The following CELSR1 variants were observed in gnomAD, a reference collection of about 807,000 sequenced individuals.
CELSR1 encodes the protein adhesion G protein-coupled receptor C1.
In CELSR1, 110 loss-of-function variants were observed where a neutral mutation model predicts 249.1. The ratio of observed to expected loss-of-function variants is 0.44; its 90% CI spans 0.38 to 0.52. The LOEUF is 0.52. CELSR1 is among the 20% of genes least tolerant of loss of function. The probability of loss-of-function intolerance (pLI) is 0.00; values close to 1 mark genes in which losing one functional copy is unlikely to be tolerated. For synonymous variants in CELSR1, 2,113 were observed against 1,900.0 expected, an observed-to-expected ratio of 1.11 and a Z score of -2.92; for missense variants, 4,109 against 4,296.4, an observed-to-expected ratio of 0.96 and a Z score of 1.22.
chr22:46,532,265 A>T (rs2080799410), intron 1 of CELSR1, among the ~76,000 whole-genome samples: 1 of 152,270 alleles, frequency 6.6e-6, no homozygotes, highest in South Asian at 2.1e-4. Context: ...GTGGTATAGA[A>T]GAAAAACTTC....
chr22:46,378,924 C>T (rs961213228), intron 22 of CELSR1, among the ~76,000 whole-genome samples: 2 of 152,170 alleles, frequency 1.3e-5, no homozygotes, highest in Non-Finnish European at 2.9e-5. Context: ...AGACAAGAGC[C>T]ACCTGGCTGT....
intron 5 of CELSR1, among the ~76,000 whole-genome samples, chr22:46,420,242 A>G (rs1030467981): frequency 6.6e-6 from 1 of 150,786 alleles, no homozygotes; most frequent in South Asian, 2.1e-4. Flanking sequence ...ACATATGCTC[A>G]CCCACACTCA....
chr22:46,447,752 TG>T lies in CELSR1; in HGVS notation c.4184-8342del, dbSNP rs1023363697. 4.6e-5 allele frequency among the ~76,000 whole-genome samples: 7 copies of T among 152,164 alleles called. No individual in the cohort carries two copies. Among genetic ancestry groups the T allele is most frequent in the African/African-American group, 1.7e-4 (7 of 41,444 alleles). On this transcript the variant is annotated intron_variant, in intron 2 of 34. Coordinates refer to ENST00000674500, the MANE Select transcript of CELSR1 (RefSeq NM_001378328.1). This position sits in a 1 kb window ranked among gnomAD's most constrained non-coding sequence, Gnocchi z 4.7. ...CTCCTGCCTCAGCCTCCCGAGTTGC[TG>T]GGATTACAGGTGCACACCACCACAC...
At chr22:46,461,441 G>A (rs1479256753) in intron 2 of CELSR1, among the ~76,000 whole-genome samples, 1 of 152,168 alleles carries the variant, frequency 6.6e-6, no homozygotes, top group Admixed American at 6.5e-5. Context: ...CTGGCCCAGG[G>A]GTCCCCAGGG....
intron 1 of CELSR1, among the ~76,000 whole-genome samples, chr22:46,493,744 T>C (rs1017502871): frequency 6.6e-6 from 1 of 152,004 alleles, no homozygotes; most frequent in Non-Finnish European, 1.5e-5. Context: ...AGATCTGACG[T>C]TTTTATAGAG....
intron 1 of CELSR1, among the ~76,000 whole-genome samples, chr22:46,467,646 C>T (rs904438890): frequency 2.0e-5 from 3 of 151,954 alleles, no homozygotes; most frequent in African/African-American, 7.2e-5. Flanking sequence ...CATGGTGAAA[C>T]CCCGTCTCTA....
chr22:46,364,352 C>T (rs1175230846), intron 33 of CELSR1, 101 bp from the exon 34 acceptor site: 4 of 1,536,458 alleles, frequency 2.6e-6, no homozygotes, highest in Non-Finnish European at 3.5e-6. Flanking sequence ...TGTCCTTCCT[C>T]CTGGTTCCCC....
Position 46,517,340 on chromosome 22 carries a change from C to T in CELSR1, c.3544+16287G>A, listed in dbSNP as rs953428870. On this transcript the variant is annotated intron_variant, in intron 1 of 34. Coordinates refer to ENST00000674500, the MANE Select transcript of CELSR1 (RefSeq NM_001378328.1). The surrounding 1 kb of genome is among the most constrained non-coding windows in gnomAD (Gnocchi z 5.4). Reference sequence around the variant, plus strand: ...ATGCAATGGGTTTCCCGGGCCAAACCGGAGACTTGGACGGCCGTCCAACAC... The same window carrying T: ...ATGCAATGGGTTTCCCGGGCCAAACTGGAGACTTGGACGGCCGTCCAACAC... 2.0e-5 allele frequency among the ~76,000 whole-genome samples: 3 copies of T among 152,324 alleles called. No homozygotes were observed. Among genetic ancestry groups the T allele is most frequent in the East Asian group, 1.9e-4 (1 of 5,178 alleles).
intron 1 of CELSR1, among the ~76,000 whole-genome samples, chr22:46,504,496 T>C (rs2080494828): frequency 9.0e-6 from 1 of 111,214 alleles, no homozygotes; most frequent in South Asian, 3.5e-4. Flanking sequence ...CCTGGCGACA[T>C]CTGTCTCCAA....
Position 46,464,198 on chromosome 22 carries a change from AC to A in CELSR1, c.3691del (p.Val1231TrpfsTer28). The A allele has an allele frequency of 6.2e-7, 1 of 1,613,362 alleles. No homozygotes were observed. Among genetic ancestry groups the A allele is most frequent in the Non-Finnish European group, 8.5e-7 (1 of 1,179,994 alleles). On this transcript the variant is annotated frameshift_variant, in exon 2 of 35. Transcript: ENST00000674500. LOFTEE classifies it high-confidence loss of function. The surrounding 1 kb of genome is among the most constrained non-coding windows in gnomAD (Gnocchi z 8.5). ...CTTGGTGGTGGACAGCACGGCGGCC[AC>A]CCCCTCCACGAAGAGGGCCAGCAGC... ...SPLLALFVEG[V>X]AAVLSTTKDD...
At position 46,381,947 on chromosome 22, in the gene CELSR1, G is replaced by A. The variant is rs754293304; in HGVS notation, c.6987C>T (p.His2329=). ...CGGCGAACTGGCCAGCGTCATCAGGGTGTCGCCTCCGCCTGCTGATCGGGG... is the reference window on the plus strand; with the variant it reads ...CGGCGAACTGGCCAGCGTCATCAGGATGTCGCCTCCGCCTGCTGATCGGGG... ...REAPISRRRR[H]PDDAGQFAVA... The change falls in exon 21 of 35, where the codon CAC becomes CAT. Residue 2329 remains histidine (H), a synonymous_variant. Coordinates refer to ENST00000674500, the MANE Select transcript of CELSR1 (RefSeq NM_001378328.1). The surrounding 1 kb of genome is among the most constrained non-coding windows in gnomAD (Gnocchi z 6.0). 40 of 1,565,760 alleles carry A rather than the reference G, an allele frequency of 2.6e-5. No individual in the cohort carries two copies. Among genetic ancestry groups the A allele is most frequent in the Non-Finnish European group, 3.3e-5 (38 of 1,157,434 alleles).
rs148469889 is a variant in CELSR1 at position 46,414,608 on chromosome 22, C to T, written c.4612-2849G>A. 1.1e-4 allele frequency among the ~76,000 whole-genome samples: 16 copies of T among 149,354 alleles called. 1 individual carries two copies. The highest frequency in any genetic ancestry group is 7.0e-3 in the Middle Eastern group (2 of 284). ...AACCGTCCACTCTCCCGCCTCTCGG[C>T]GAGTGTGGGTTTAACGCGCAGGCTA... On this transcript the variant is annotated intron_variant, in intron 5 of 34. Coordinates refer to ENST00000674500, the MANE Select transcript of CELSR1 (RefSeq NM_001378328.1).
rs758214473 is a variant in CELSR1, at chr22:46,396,669, C to T, written c.5779G>A (p.Gly1927Ser). Residue 1927 changes from glycine to serine, a missense_variant, in exon 13 of 35, where the codon GGC (glycine) becomes AGC (serine). By Grantham distance (56) the Gly-to-Ser change is moderately conservative. This residue lies in a region of CELSR1 where 1,805 missense variants were observed against 1,831.6 expected (regional missense o/e 0.99). Transcript: ENST00000674500. This position sits in a 1 kb window ranked among gnomAD's most constrained non-coding sequence, Gnocchi z 6.4. ...ENMGACVRSP[G>S]SPQGYVCECG... ...TCGCACACGTAGCCCTGCGGGGAGCCGGGGGAGCGCACGCAGGCCCCCATG... is the reference window on the plus strand; with the variant it reads ...TCGCACACGTAGCCCTGCGGGGAGCTGGGGGAGCGCACGCAGGCCCCCATG... The T allele has an allele frequency of 8.7e-6, 14 of 1,612,424 alleles. No homozygotes were observed. Among genetic ancestry groups the T allele is most frequent in the African/African-American group, 2.7e-5 (2 of 74,904 alleles).
chr22:46,526,176 TCCTCCATTC>T lies in CELSR1; in HGVS notation c.3544+7442_3544+7450del, dbSNP rs1266112097. Among the ~76,000 whole-genome samples, 8 of 152,062 alleles carry T rather than the reference TCCTCCATTC, an allele frequency of 5.3e-5. No individual in the cohort carries two copies. The highest frequency in any genetic ancestry group is 1.2e-4 in the Non-Finnish European group (8 of 68,008). Reference sequence around the variant, plus strand: ...CCCCTTTTTCCCGTCCGCCTCCTGCTCCTCCATTCCCTCCAGGTCTGATGACTCAGAGAG... The same window carrying T: ...CCCCTTTTTCCCGTCCGCCTCCTGCTCCTCCAGGTCTGATGACTCAGAGAG... On this transcript the variant is annotated intron_variant, in intron 1 of 34. Transcript: ENST00000674500. This position sits in a 1 kb window ranked among gnomAD's most constrained non-coding sequence, Gnocchi z 4.7.
Position 46,536,849 on chromosome 22 carries a change from G to A in CELSR1, c.322C>T (p.Arg108Cys). 8.1e-7 allele frequency: 1 copy of A among 1,231,190 alleles called. No homozygotes were observed. Among genetic ancestry groups the A allele is most frequent in the Non-Finnish European group, 1.0e-6 (1 of 982,826 alleles). The allele number at this position is 1,231,190 out of a possible 1,614,324, so 76.3% of individuals were successfully genotyped here. A position where few individuals can be genotyped will look rare whatever the true frequency, so the allele number is the denominator to read the frequency against. ...PTALSRRLRA[R>C]THLPGCGARA... ...GCTCCGCAGCCGGGAAGGTGCGTGC[G>A]CGCCCGCAGGCGGCGGCTCAGCGCC... Residue 108 changes from arginine (R) to cysteine (C), a missense_variant, in exon 1 of 35, where the codon CGC (arginine) becomes TGC (cysteine). Physicochemically the swap from Arg to Cys is radical, Grantham distance 180. Coordinates refer to ENST00000674500, the MANE Select transcript of CELSR1 (RefSeq NM_001378328.1).
chr22:46,367,149 C>G (rs1361613969), intron 28 of CELSR1, 31 bp from the exon 29 acceptor site: 1 of 1,602,242 alleles, frequency 6.2e-7, no homozygotes, highest in South Asian at 1.1e-5. Context: ...TCAGCACCTG[C>G]TGCTGCCTCC....
chr22:46,425,062 GAGA>G (rs538691767), intron 5 of CELSR1, among the ~76,000 whole-genome samples: 2 of 152,376 alleles, frequency 1.3e-5, no homozygotes, highest in South Asian at 4.1e-4. Context: ...TCAGCAGAGT[GAGA>G]AGTTGTTTGG....
intron 25 of CELSR1, among the ~76,000 whole-genome samples, chr22:46,370,750 A>G (rs1210398949): frequency 6.6e-6 from 1 of 152,242 alleles, no homozygotes; most frequent in Non-Finnish European, 1.5e-5. Context: ...CCAGTTAACC[A>G]GGACCACTGA....
In CELSR1 at chr22:46,381,862, C is replaced by T. The variant is rs753196502; in HGVS notation, c.7072G>A (p.Asp2358Asn). 9.6e-6 allele frequency: 15 copies of T among 1,561,854 alleles called. No homozygotes were observed. The highest frequency in any genetic ancestry group is 7.5e-5 in the Admixed American group (4 of 53,474). Residue 2358 changes from aspartate (D) to asparagine (N), a missense_variant, in exon 21 of 35, where the codon GAC (aspartate) becomes AAC (asparagine). Around this residue, in one of 7 missense-constraint regions of CELSR1, gnomAD observed 1,805 missense variants for 1,831.6 expected, o/e 0.99. Coordinates refer to ENST00000674500, the MANE Select transcript of CELSR1 (RefSeq NM_001378328.1). This position sits in a 1 kb window ranked among gnomAD's most constrained non-coding sequence, Gnocchi z 6.0. Reference protein sequence around the residue: ...GQLLPERYDPDRRSLRLPHRP... With the variant: ...GQLLPERYDPNRRSLRLPHRP... Reference sequence around the variant, plus strand: ...AGGCCTTACCGGAGGCTGCGACGGTCGGGGTCGTAGCGCTCGGGCAGGAGC... The same window carrying T: ...AGGCCTTACCGGAGGCTGCGACGGTTGGGGTCGTAGCGCTCGGGCAGGAGC...
Sources: gnomAD v4.1 joint callset for allele counts (sites outside exome capture counted in the v4.1 genomes callset) on GRCh38, gnomAD v4.1.1 for gene constraint, gnomAD v4.1.1 regional missense constraint, Gnocchi (gnomAD v3.1) non-coding constraint, MANE v1.5 for transcripts, NCBI Gene and HGNC (gene_info 2026-07-23, HGNC 2026-07-21) for gene names.